The following AKAP13 variants were observed in gnomAD, a reference collection of about 807,000 sequenced individuals.
The protein encoded by AKAP13 is A-kinase anchoring protein 13.
In AKAP13, 80 loss-of-function variants were observed where a neutral mutation model predicts 264.5. The observed-to-expected ratio is 0.30, with a 90% CI of 0.25 to 0.36. The LOEUF is 0.36. AKAP13 is among the 10% of genes least tolerant of loss of function. The pLI, the probability that AKAP13 is intolerant of heterozygous loss-of-function variation, is 1.00. For synonymous variants in AKAP13, 1,380 were observed against 1,250.2 expected (o/e 1.10, Z -2.19); for missense variants, 3,712 against 3,435.2 (o/e 1.08, Z -2.01).
chr15:85,471,440 A>T (rs1284734298), intron 1 of AKAP13, among the ~76,000 whole-genome samples: 2 of 152,236 alleles, frequency 1.3e-5, no homozygotes, highest in Non-Finnish European at 2.9e-5. Flanking sequence ...GCTTGCAGTG[A>T]GCTGAGATGG....
intron 8 of AKAP13, among the ~76,000 whole-genome samples, chr15:85,625,350 C>G (rs746766601): frequency 6.6e-6 from 1 of 152,084 alleles, no homozygotes; most frequent in Non-Finnish European, 1.5e-5. Context: ...TGATTTTTTC[C>G]TATCCCGTCT....
intron 1 of AKAP13, among the ~76,000 whole-genome samples, chr15:85,459,731 C>T (rs529756568): frequency 2.6e-5 from 4 of 152,096 alleles, no homozygotes; most frequent in African/African-American, 9.6e-5. Flanking sequence ...AATCTCCTGA[C>T]CTTGTGATCC....
At chr15:85,536,410 G>T (rs943381334) in intron 4 of AKAP13, 1 of 152,202 alleles carries the variant, frequency 6.6e-6, no homozygotes, top group African/African-American at 2.4e-5. Flanking sequence ...GAAATATTTG[G>T]CAGTTTCTTG....
At chr15:85,525,788 T>C (rs1052911282) in intron 3 of AKAP13, among the ~76,000 whole-genome samples, 2 of 152,202 alleles carry the variant, frequency 1.3e-5, no homozygotes, top group African/African-American at 4.8e-5. Flanking sequence ...GGACATCCTT[T>C]GAAGATAATT....
At position 85,393,427 on chromosome 15, in the gene AKAP13, G is replaced by A. The variant is rs528287923; in HGVS notation, c.-12+12629G>A. 4.7e-4 allele frequency among the ~76,000 whole-genome samples: 72 copies of A among 152,360 alleles called. 1 individual carries two copies. The highest frequency in any genetic ancestry group is 1.3e-3 in the African/African-American group (56 of 41,574). On this transcript the variant is annotated intron_variant, in intron 1 of 36. Transcript: ENST00000394518. Reference sequence around the variant, plus strand: ...AGGGATTAAAGGCATGCATGGGTCAGTGGGCAGTAATAGCCAAAGCTTTTG... The same window carrying A: ...AGGGATTAAAGGCATGCATGGGTCAATGGGCAGTAATAGCCAAAGCTTTTG...
chr15:85,434,927 A>G (rs1471149417), intron 1 of AKAP13, among the ~76,000 whole-genome samples: 3 of 151,250 alleles, frequency 2.0e-5, no homozygotes, highest in African/African-American at 4.9e-5. Flanking sequence ...TCCTCCTCCA[A>G]AGGAACGCAG....
At chr15:85,621,504 C>G (rs539711389) in intron 8 of AKAP13, 1 of 151,658 alleles carries the variant, frequency 6.6e-6, no homozygotes, top group African/African-American at 2.4e-5. Flanking sequence ...TCCATGATAC[C>G]CTATGATTTT....
At chr15:85,399,537 AATAAATAAAT>A (rs2071320231) in intron 1 of AKAP13, among the ~76,000 whole-genome samples, 4 of 103,856 alleles carry the variant, frequency 3.9e-5, no homozygotes, top group African/African-American at 1.3e-4. Flanking sequence ...AAAATAAAAA[AATAAATAAAT>A]AAATAAATAA....
intron 1 of AKAP13, among the ~76,000 whole-genome samples, chr15:85,395,217 T>A (rs2071054746): frequency 6.6e-6 from 1 of 152,196 alleles, no homozygotes; most frequent in South Asian, 2.1e-4. Context: ...TATATTTAAT[T>A]AAATTTTTAT....
chr15:85,508,524 T>C (rs1005352198), intron 2 of AKAP13, among the ~76,000 whole-genome samples: 7 of 152,092 alleles, frequency 4.6e-5, no homozygotes, highest in African/African-American at 1.7e-4. Context: ...GCTGGCTCTT[T>C]AGCTGAGTCC....
Position 85,412,894 on chromosome 15 carries a change from A to G in AKAP13, c.-12+32096A>G, listed in dbSNP as rs141370386. Among the ~76,000 whole-genome samples, 75 of 152,346 alleles carry G rather than the reference A, an allele frequency of 4.9e-4. No individual in the cohort carries two copies. In the East Asian group the frequency reaches 9.4e-3, roughly 19 times the overall value. ...ACACCGTACCTATATTATCTCCTCT[A>G]ACCTTTATCTTATCCTGCAACGTAT... On this transcript the variant is annotated intron_variant, in intron 1 of 36. Transcript: ENST00000394518.
chr15:85,582,161 G>A, intron 7 of AKAP13, 54 bp downstream of exon 7: 1 of 1,512,348 alleles, frequency 6.6e-7, no homozygotes, highest in Non-Finnish European at 8.8e-7. Flanking sequence ...TCCCTTAAGA[G>A]TCACTGTGGT....
intron 8 of AKAP13, chr15:85,621,579 A>T (rs1307526173): frequency 6.6e-6 from 1 of 152,202 alleles, no homozygotes; most frequent in Non-Finnish European, 1.5e-5. Flanking sequence ...GAACATTTAA[A>T]ATAATGCTAA....
intron 29 of AKAP13, among the ~76,000 whole-genome samples, chr15:85,728,537 C>T (rs546348481): frequency 1.3e-4 from 20 of 152,286 alleles, no homozygotes; most frequent in African/African-American, 4.8e-4. Context: ...AAGCTCACAC[C>T]CTAGCAGGGG....
At chr15:85,739,543 C>T (rs967382371) in intron 33 of AKAP13, among the ~76,000 whole-genome samples, 1 of 151,786 alleles carries the variant, frequency 6.6e-6, no homozygotes, top group African/African-American at 2.4e-5. Context: ...TAGTTCTTTG[C>T]CTTTTAATTT....
In AKAP13 at chr15:85,743,754, T is replaced by G. The variant is rs1406169255; in HGVS notation, c.8321T>G (p.Phe2774Cys). The change falls in exon 36 of 37, where the codon TTT becomes TGT. Residue 2774 changes from phenylalanine (F) to cysteine (C), a missense_variant. By Grantham distance (205) the Phe-to-Cys change is radical. Coordinates refer to ENST00000394518, the MANE Select transcript of AKAP13 (RefSeq NM_007200.5). ...PASTSASTRL[F>C]GLTKPKEKKE... is the part of the protein sequence containing the mutation. ...TCCACCTCTGCCTCTACCCGCCTGTTTGGGTTAACAAAGCCAAAGGAAAAG... is the reference window on the plus strand; with the variant it reads ...TCCACCTCTGCCTCTACCCGCCTGTGTGGGTTAACAAAGCCAAAGGAAAAG... 1.2e-5 allele frequency: 19 copies of G among 1,613,860 alleles called. No individual in the cohort carries two copies. Among genetic ancestry groups the G allele is most frequent in the Non-Finnish European group, 1.6e-5 (19 of 1,180,022 alleles).
rs747010803 is a variant in AKAP13, at chr15:85,488,309, T to C, written c.33+2556T>C. Among the ~76,000 whole-genome samples the C allele has an allele frequency of 1.6e-3, 245 of 152,348 alleles. 1 individual carries two copies. The highest frequency in any genetic ancestry group is 4.4e-3 in the Admixed American group (68 of 15,302). Reference sequence around the variant, plus strand: ...TGATAATGCTGCACAATCTTTTTTATATGTTGTTGGATTTGTTTTGAAAGT... The same window carrying C: ...TGATAATGCTGCACAATCTTTTTTACATGTTGTTGGATTTGTTTTGAAAGT... On this transcript the variant is annotated intron_variant, in intron 2 of 36. Coordinates refer to ENST00000394518, the MANE Select transcript of AKAP13 (RefSeq NM_007200.5).
At chr15:85,383,316 C>T (rs1254175392) in intron 1 of AKAP13, among the ~76,000 whole-genome samples, 2 of 152,184 alleles carry the variant, frequency 1.3e-5, no homozygotes, top group Non-Finnish European at 2.9e-5. Flanking sequence ...TTCAGATCTC[C>T]ACACTTCCAT....
chr15:85,439,255 C>G (rs1209215164), intron 1 of AKAP13, among the ~76,000 whole-genome samples: 14 of 146,906 alleles, frequency 9.5e-5, no homozygotes, highest in South Asian at 6.5e-4. Context: ...AAATGCAAAT[C>G]AAAACCACAA....
Sources: gnomAD v4.1 joint callset for allele counts (sites outside exome capture counted in the v4.1 genomes callset) on GRCh38, gnomAD v4.1.1 for gene constraint, MANE v1.5 for transcripts, NCBI Gene and HGNC (gene_info 2026-07-23, HGNC 2026-07-21) for gene names.